MYBPH: variants seen among roughly 807,000 people sequenced by gnomAD.
MYBPH encodes myosin binding protein H, also known as myosin-binding protein H.
MYBPH carries 49 observed loss-of-function variants against 53.6 expected under a neutral mutation model. The ratio of observed to expected loss-of-function variants is 0.91; its 90% CI spans 0.73 to 1.16. The LOEUF is 1.16. MYBPH is among the 50% of genes most tolerant of loss of function. MYBPH has a pLI of 0.00. For synonymous variants in MYBPH, 239 were observed against 249.6 expected, an observed-to-expected ratio of 0.96 and a Z score of 0.40; for missense variants, 558 against 624.1, an observed-to-expected ratio of 0.89 and a Z score of 1.13.
upstream of MYBPH, chr1:203,175,884 C>G (rs755492557): frequency 1.2e-4 from 110 of 894,114 alleles, no homozygotes; most frequent in Middle Eastern, 1.4e-3. Flanking sequence ...CCCCAGCAAA[C>G]GATTCCCAGC....
At chr1:203,175,914 G>T, upstream of MYBPH, 1 of 697,426 alleles carries the variant, frequency 1.4e-6, no homozygotes, top group Non-Finnish European at 2.4e-6. Context: ...AGGTCAAGCA[G>T]GAGGACTGGA....
chr1:203,175,258 T>A, intron 2 of MYBPH, 69 bp downstream of exon 2: 1 of 1,495,432 alleles, frequency 6.7e-7, no homozygotes, highest in Non-Finnish European at 8.9e-7. Context: ...ACAGGGCCTG[T>A]GCACTTGTCC....
At chr1:203,176,528 C>T (rs898917367), upstream of MYBPH, among the ~76,000 whole-genome samples, 12 of 152,082 alleles carry the variant, frequency 7.9e-5, no homozygotes, top group Non-Finnish European at 1.6e-4. Context: ...CCTCGCCCTT[C>T]GGGATGGGTT....
chr1:203,174,404 T>A, intron 3 of MYBPH, 26 bp downstream of exon 3: 1 of 1,553,620 alleles, frequency 6.4e-7, no homozygotes, highest in East Asian at 2.3e-5. Context: ...AAGGGCTGGG[T>A]AGCTGAAGGC....
Position 203,168,913 on chromosome 1 carries a change from C to A in MYBPH, c.1410G>T (p.Glu470Asp), listed in dbSNP as rs1655640019. ...CCGTCCTCAAACTCTCACCTTTGAC[C>A]TCCAGCCGGCAGTCCACAGATGCCT... The part of the protein sequence containing the change: ...LGEASVDCRL[E>D]VKASAAH The change falls in exon 9 of 11, where the codon GAG (glutamate) becomes GAT (aspartate). Residue 470 changes from glutamate (E) to aspartate (D), a missense_variant. Physicochemically the swap from Glu to Asp is conservative, Grantham distance 45. Coordinates refer to ENST00000255416, the MANE Select transcript of MYBPH (RefSeq NM_004997.3). 2 of 1,613,998 alleles carry A rather than the reference C, an allele frequency of 1.2e-6. No individual in the cohort carries two copies. Among genetic ancestry groups the A allele is most frequent in the African/African-American group, 2.7e-5 (2 of 75,018 alleles).
At chr1:203,177,543 A>T (rs1255418816), upstream of MYBPH, among the ~76,000 whole-genome samples, 1 of 152,090 alleles carries the variant, frequency 6.6e-6, no homozygotes, top group Non-Finnish European at 1.5e-5. Flanking sequence ...GAGCCTCTGG[A>T]TCTGGCCCTC....
Position 203,170,338 on chromosome 1 carries a change from C to T in MYBPH, c.1046G>A (p.Ser349Asn). The T allele has an allele frequency of 6.2e-7, 1 of 1,614,170 alleles. No individual in the cohort carries two copies. ...RVFSENLCGL[S>N]TSATVTKELA... ...CTCCTTGGTGACGGTGGCCGAGGTG[C>T]TGAGTCCACACAGGTTTTCTGAGAA... is the stretch of plus-strand genomic sequence containing the variant. The change falls in exon 7 of 11, where the codon AGC becomes AAC. Residue 349 changes from serine to asparagine, a missense_variant. Ser to Asn is a conservative substitution (Grantham distance 46). Transcript: ENST00000255416.
chr1:203,176,092 G>A (rs2071013), upstream of MYBPH, among the ~76,000 whole-genome samples: 1,561 of 152,310 alleles, frequency 0.01, 40 homozygotes, highest in East Asian at 0.099. Flanking sequence ...AGCAGGCCGC[G>A]TGCCAGGTGT....
chr1:203,170,025 A>G (rs1468346181), intron 7 of MYBPH, among the ~76,000 whole-genome samples: 1 of 152,054 alleles, frequency 6.6e-6, no homozygotes, highest in African/African-American at 2.4e-5. Context: ...GCAGCCACAC[A>G]CCTCTTTGGA....
Position 203,174,581 on chromosome 1 carries a change from A to G in MYBPH, c.357T>C (p.Pro119=). Residue 119 remains proline, a synonymous_variant, in exon 3 of 11, where the codon CCT becomes CCC. Coordinates refer to ENST00000255416, the MANE Select transcript of MYBPH (RefSeq NM_004997.3). ...TCACCATCATGGGCCGGGCACTCAC[A>G]GGCACCCACTCCGAGGCTGAGGGGA... The part of the protein sequence containing the change: ...LCREGASEWV[P]VSARPMMVTQ... 9.3e-6 allele frequency: 15 copies of G among 1,604,666 alleles called. No individual in the cohort carries two copies. The highest frequency in any genetic ancestry group is 2.2e-5 in the East Asian group (1 of 44,580).
intron 2 of MYBPH, 147 bp from the exon 3 acceptor site, chr1:203,174,744 G>A (rs139257034): frequency 3.2e-5 from 29 of 912,392 alleles, no homozygotes; most frequent in African/African-American, 2.1e-4. Flanking sequence ...CTGACTTCTT[G>A]TCAAATGGCA....
At chr1:203,168,863 CAG>C in intron 9 of MYBPH, 41 bp downstream of exon 9, 1 of 1,608,318 alleles carries the variant, frequency 6.2e-7, no homozygotes, top group Non-Finnish European at 8.5e-7. Flanking sequence ...AGTCCAGTTC[CAG>C]AGAGGTGCTT....
At chr1:203,175,525 C>T (rs1283204981) in intron 1 of MYBPH, 26 bp downstream of exon 1, 7 of 1,613,062 alleles carry the variant, frequency 4.3e-6, no homozygotes, top group Admixed American at 3.3e-5. Flanking sequence ...CTGCCTCCCT[C>T]CTCCCCCTGC....
Position 203,170,951 on chromosome 1 carries a change from C to A in MYBPH, c.933+110G>T. The A allele has an allele frequency of 4.9e-6, 7 of 1,426,496 alleles. No individual in the cohort carries two copies. In the South Asian group the frequency reaches 5.9e-5, roughly 12 times the overall value. 88.4% of individuals were successfully genotyped at this position (1,426,496 alleles called of 1,614,324 possible). ...CCTAGGGAGTCAGGTTAGCAGTGGGCAGACCAGAACTCGATCCCTAGACTC... is the reference window on the plus strand; with the variant it reads ...CCTAGGGAGTCAGGTTAGCAGTGGGAAGACCAGAACTCGATCCCTAGACTC... On this transcript the variant is annotated intron_variant, in intron 6 of 10. Transcript: ENST00000255416.
At chr1:203,174,382 A>G in intron 3 of MYBPH, 48 bp downstream of exon 3, 1 of 1,517,060 alleles carries the variant, frequency 6.6e-7, no homozygotes, top group East Asian at 2.3e-5. Flanking sequence ...TCCATTAGAT[A>G]AGGTGTTTGG....
chr1:203,170,049 CT>C (rs1301786442), intron 7 of MYBPH, among the ~76,000 whole-genome samples: 8 of 152,190 alleles, frequency 5.3e-5, no homozygotes, highest in African/African-American at 1.2e-4. Context: ...AGCACACAGC[CT>C]CCAAAGGGGC....
chr1:203,168,596 G>A, intron 10 of MYBPH, 31 bp downstream of exon 10: 1 of 1,544,976 alleles, frequency 6.5e-7, no homozygotes, highest in Non-Finnish European at 8.8e-7. Context: ...TGCCCACAGA[G>A]GTAACAGAGT....
intron 6 of MYBPH, 117 bp downstream of exon 6, chr1:203,170,944 C>T: frequency 1.5e-6 from 2 of 1,379,024 alleles, no homozygotes; most frequent in Non-Finnish European, 1.9e-6. Flanking sequence ...GTCAGGTTAG[C>T]AGTGGGCAGA....
chr1:203,173,760 C>G (rs1401181864), intron 3 of MYBPH, among the ~76,000 whole-genome samples: 1 of 152,236 alleles, frequency 6.6e-6, no homozygotes, highest in Non-Finnish European at 1.5e-5. Context: ...ACTGTGCTGT[C>G]CCCAGAGACC....
Sources: allele counts gnomAD v4.1 joint callset (sites outside exome capture counted in the v4.1 genomes callset), GRCh38; gene constraint gnomAD v4.1.1; transcripts MANE v1.5; gene names NCBI Gene and HGNC (gene_info 2026-07-23, HGNC 2026-07-21).